PRKN: variants seen among roughly 807,000 people sequenced by gnomAD.
PRKN encodes parkin RBR E3 ubiquitin protein ligase, also known as E3 ubiquitin-protein ligase parkin.
In PRKN, 56 loss-of-function variants were observed where a neutral mutation model predicts 59.5. That is an observed-to-expected ratio of 0.94 (90% CI 0.76 to 1.18). PRKN has a LOEUF of 1.18. PRKN is among the 50% of genes most tolerant of loss of function. The pLI is 0.00. For synonymous variants in PRKN, 250 were observed against 222.1 expected (o/e 1.13, Z -1.12); for missense variants, 657 against 596.4 (o/e 1.10, Z -1.06).
intron 1 of PRKN, among the ~76,000 whole-genome samples, chr6:162,647,615 A>G (rs1269433735): frequency 6.6e-6 from 1 of 152,080 alleles, no homozygotes; most frequent in Non-Finnish European, 1.5e-5. Flanking sequence ...ACTCATACTT[A>G]TATGTCAAAC....
chr6:162,661,492 A>T (rs1243870725), intron 1 of PRKN, among the ~76,000 whole-genome samples: 1 of 152,158 alleles, frequency 6.6e-6, no homozygotes, highest in African/African-American at 2.4e-5. Context: ...ACGGACAATG[A>T]GGTTAGTAGG....
At chr6:162,066,569 T>C (rs1446528159) in intron 4 of PRKN, among the ~76,000 whole-genome samples, 2 of 152,138 alleles carry the variant, frequency 1.3e-5, no homozygotes, top group Non-Finnish European at 2.9e-5. Context: ...GAAAGGAGCT[T>C]GCAGGAGTGG....
intron 4 of PRKN, among the ~76,000 whole-genome samples, chr6:162,196,460 T>C (rs1784501022): frequency 6.6e-6 from 1 of 152,190 alleles, no homozygotes. Context: ...CTCTGTCTCA[T>C]TTCTGCATGG....
At chr6:161,838,193 T>G (rs1204825706) in intron 6 of PRKN, among the ~76,000 whole-genome samples, 1 of 152,250 alleles carries the variant, frequency 6.6e-6, no homozygotes, top group East Asian at 1.9e-4. Flanking sequence ...AACCATGCTA[T>G]GGTTTAAGTA....
At position 161,582,928 on chromosome 6, in the gene PRKN, AC is replaced by A. The variant is rs1781393559; in HGVS notation, c.872-13513del. On this transcript the variant is annotated intron_variant, in intron 7 of 11. Coordinates refer to ENST00000366898, the MANE Select transcript of PRKN (RefSeq NM_004562.3). This position sits in a 1 kb window ranked among gnomAD's most constrained non-coding sequence, Gnocchi z 4.4. Reference sequence around the variant, plus strand: ...GACTATGGGAGCCCTTGTGCCAGTGACTAAATTCCAACCAGCATCTTTCCAG... The same window carrying A: ...GACTATGGGAGCCCTTGTGCCAGTGATAAATTCCAACCAGCATCTTTCCAG... 6.7e-6 allele frequency among the ~76,000 whole-genome samples: 1 copy of A among 150,124 alleles called. No individual in the cohort carries two copies. The highest frequency in any genetic ancestry group is 1.5e-5 in the Non-Finnish European group (1 of 67,642).
At chr6:161,453,149 A>G (rs1194251390) in intron 9 of PRKN, among the ~76,000 whole-genome samples, 1 of 152,188 alleles carries the variant, frequency 6.6e-6, no homozygotes, top group Non-Finnish European at 1.5e-5. Flanking sequence ...TAAAAAATGG[A>G]ATATTCAATC....
chr6:162,476,402 T>C (rs771236126), intron 1 of PRKN, among the ~76,000 whole-genome samples: 2 of 152,058 alleles, frequency 1.3e-5, no homozygotes, highest in Non-Finnish European at 2.9e-5. Context: ...TTCACAACTG[T>C]GTATATGTAA....
chr6:162,319,485 A>G lies in PRKN; in HGVS notation c.172-56720T>C, dbSNP rs193040010. Among the ~76,000 whole-genome samples the G allele has an allele frequency of 1.2e-3, 177 of 152,160 alleles. 1 individual carries two copies. Among genetic ancestry groups the G allele is most frequent in the African/African-American group, 4.1e-3 (172 of 41,552 alleles). On this transcript the variant is annotated intron_variant, in intron 2 of 11. Coordinates refer to ENST00000366898, the MANE Select transcript of PRKN (RefSeq NM_004562.3). Reference sequence around the variant, plus strand: ...TGTGCAAACTATAATAGCTGTTTTAATGCTCTAAGTTCTGATGTGGTTACT... The same window carrying G: ...TGTGCAAACTATAATAGCTGTTTTAGTGCTCTAAGTTCTGATGTGGTTACT...
intron 7 of PRKN, among the ~76,000 whole-genome samples, chr6:161,671,147 G>A (rs1447999045): frequency 6.6e-6 from 1 of 152,138 alleles, no homozygotes; most frequent in African/African-American, 2.4e-5. Flanking sequence ...GCGCAGATGG[G>A]ATACCTGCAT....
chr6:162,692,672 T>C lies in PRKN; in HGVS notation c.7+34990A>G, dbSNP rs529809514. Among the ~76,000 whole-genome samples, 3 of 152,240 alleles carry C rather than the reference T, an allele frequency of 2.0e-5. No individual in the cohort carries two copies. The East Asian group carries it at 5.8e-4, about 29-fold the overall frequency. ...CATCATTGCTGGGAGAATTAGGAAC[T>C]GTCCACACAAATCCACCAGGACAGG... On this transcript the variant is annotated intron_variant, in intron 1 of 11. Transcript: ENST00000366898.
At chr6:161,845,968 G>A (rs1793182099) in intron 6 of PRKN, among the ~76,000 whole-genome samples, 1 of 152,190 alleles carries the variant, frequency 6.6e-6, no homozygotes, top group Non-Finnish European at 1.5e-5. Context: ...ATCAATTGGA[G>A]GGAAAAGAGG....
rs2115214047 is a variant in PRKN at position 161,475,834 on chromosome 6, T to G, written c.1083+73020A>C. ...ATATTAAAAACCATGAATTTCTTTTTATTACTCTGATAACTGCATTTTCCT... is the reference window on the plus strand; with the variant it reads ...ATATTAAAAACCATGAATTTCTTTTGATTACTCTGATAACTGCATTTTCCT... On this transcript the variant is annotated intron_variant, in intron 9 of 11. Transcript: ENST00000366898. This position sits in a 1 kb window ranked among gnomAD's most constrained non-coding sequence, Gnocchi z 5.3. Among the ~76,000 whole-genome samples the G allele has an allele frequency of 6.6e-6, 1 of 152,266 alleles. No homozygotes were observed. The highest frequency in any genetic ancestry group is 2.1e-4 in the South Asian group (1 of 4,824).
intron 4 of PRKN, among the ~76,000 whole-genome samples, chr6:162,094,914 T>C (rs777063211): frequency 2.6e-5 from 4 of 152,208 alleles, no homozygotes; most frequent in African/African-American, 4.8e-5. Context: ...TTTTTAACTA[T>C]GAATATGTGT....
chr6:162,066,173 T>C (rs1313499742), intron 4 of PRKN, among the ~76,000 whole-genome samples: 1 of 152,154 alleles, frequency 6.6e-6, no homozygotes, highest in Admixed American at 6.5e-5. Context: ...TTGAACTAAT[T>C]TACACTCCCA....
chr6:161,865,227 G>A (rs746608397), intron 6 of PRKN, among the ~76,000 whole-genome samples: 1 of 152,148 alleles, frequency 6.6e-6, no homozygotes. Context: ...TTAAAACATT[G>A]AGTAAACCAT....
rs1401769096 is a variant in PRKN, at chr6:161,396,302, T to A, written c.1084-9425A>T. The stretch of plus-strand genomic sequence containing the variant: ...AAGCTGGAACTCTTGTTCAATGATA[T>A]GTTCACACCATCCTGTTCATCTAAA... On this transcript the variant is annotated intron_variant, in intron 9 of 11. Transcript: ENST00000366898. This position sits in a 1 kb window ranked among gnomAD's most constrained non-coding sequence, Gnocchi z 5.4. Among the ~76,000 whole-genome samples the A allele has an allele frequency of 6.6e-6, 1 of 152,134 alleles. No individual in the cohort carries two copies. The highest frequency in any genetic ancestry group is 2.1e-4 in the South Asian group (1 of 4,826).
intron 1 of PRKN, among the ~76,000 whole-genome samples, chr6:162,627,983 A>T (rs1261060282): frequency 3.3e-5 from 5 of 152,132 alleles, no homozygotes; most frequent in African/African-American, 1.2e-4. Flanking sequence ...CGAGTGATAG[A>T]GCCAATGAAC....
At chr6:162,576,810 C>CAAAAAAAAAAA (rs573857313) in intron 1 of PRKN, among the ~76,000 whole-genome samples, 2 of 92,384 alleles carry the variant, frequency 2.2e-5, no homozygotes, top group African/African-American at 4.2e-5. Context: ...GAGACTCCGT[C>CAAAAAAAAAAA]AAAAAAAAAA....
intron 6 of PRKN, among the ~76,000 whole-genome samples, chr6:161,931,076 A>G (rs1779154460): frequency 6.6e-6 from 1 of 152,224 alleles, no homozygotes; most frequent in Non-Finnish European, 1.5e-5. Flanking sequence ...TAGCAGCTGA[A>G]AAAATATATA....
Sources: gnomAD v4.1 joint callset for allele counts (sites outside exome capture counted in the v4.1 genomes callset) on GRCh38, gnomAD v4.1.1 for gene constraint, Gnocchi (gnomAD v3.1) non-coding constraint, MANE v1.5 for transcripts, NCBI Gene and HGNC (gene_info 2026-07-23, HGNC 2026-07-21) for gene names.